The following RBMS1 variants were observed in gnomAD, a reference collection of about 807,000 sequenced individuals.
The protein encoded by RBMS1 is RNA-binding motif, single-stranded-interacting protein 1.
Under a neutral mutation model 62.3 loss-of-function variants are expected in RBMS1, and 17 were observed. That is an observed-to-expected ratio of 0.27 (90% CI 0.19 to 0.41). RBMS1 has a LOEUF of 0.41. RBMS1 is among the 10% of genes least tolerant of loss of function. RBMS1 has a pLI of 1.00. For missense variants in RBMS1, 334 were observed against 504.5 expected, an observed-to-expected ratio of 0.66 and a Z score of 3.24; for synonymous variants, 172 against 170.0, an observed-to-expected ratio of 1.01 and a Z score of -0.09.
intron 4 of RBMS1, among the ~76,000 whole-genome samples, chr2:160,305,255 C>T (rs1409316410): frequency 6.6e-6 from 1 of 152,192 alleles, no homozygotes; most frequent in Non-Finnish European, 1.5e-5. Context: ...ACTCACCACT[C>T]ACTCACTGAC....
intron 2 of RBMS1, among the ~76,000 whole-genome samples, chr2:160,358,284 G>C (rs932862443): frequency 2.0e-5 from 3 of 152,232 alleles, no homozygotes; most frequent in South Asian, 2.1e-4. Context: ...TCCATGATGA[G>C]AGAATTGAGT....
intron 1 of RBMS1, among the ~76,000 whole-genome samples, chr2:160,482,190 CT>C (rs1339444757): frequency 1.3e-5 from 2 of 151,684 alleles, no homozygotes; most frequent in Non-Finnish European, 2.9e-5. Flanking sequence ...TAATAAGGAG[CT>C]AAGGAGGCCA....
chr2:160,488,500 T>C (rs1300373949), intron 1 of RBMS1, among the ~76,000 whole-genome samples: 1 of 152,080 alleles, frequency 6.6e-6, no homozygotes, highest in Admixed American at 6.5e-5. Flanking sequence ...TGCTTGAACC[T>C]GGGAGGCAGA....
intron 1 of RBMS1, among the ~76,000 whole-genome samples, chr2:160,461,204 G>T (rs1684445944): frequency 1.3e-5 from 2 of 151,958 alleles, no homozygotes; most frequent in Non-Finnish European, 2.9e-5. Flanking sequence ...AGCTATGATT[G>T]ATCCAATGCA....
intron 1 of RBMS1, among the ~76,000 whole-genome samples, chr2:160,384,806 T>C (rs1694482247): frequency 6.6e-6 from 1 of 152,218 alleles, no homozygotes; most frequent in African/African-American, 2.4e-5. Flanking sequence ...ATGTCTGATA[T>C]GGTTTAGATT....
chr2:160,285,886 T>C (rs1306365196), intron 7 of RBMS1, among the ~76,000 whole-genome samples: 2 of 151,102 alleles, frequency 1.3e-5, no homozygotes, highest in Admixed American at 1.3e-4. Context: ...CTGAGGTGGG[T>C]GGATCATGAG....
chr2:160,326,316 C>T (rs1050451894), intron 2 of RBMS1, among the ~76,000 whole-genome samples: 1 of 152,084 alleles, frequency 6.6e-6, no homozygotes, highest in African/African-American at 2.4e-5. Context: ...GAGGACAGTC[C>T]TTTGGGGTAT....
intron 1 of RBMS1, among the ~76,000 whole-genome samples, chr2:160,391,788 G>A (rs2105212736): frequency 6.6e-6 from 1 of 152,168 alleles, no homozygotes; most frequent in East Asian, 1.9e-4. Flanking sequence ...GAGCAGCCTG[G>A]CCAACATGGC....
At chr2:160,382,707 T>C (rs185728598) in intron 1 of RBMS1, among the ~76,000 whole-genome samples, 126 of 152,322 alleles carry the variant, frequency 8.3e-4, no homozygotes, top group Admixed American at 2.7e-3. Context: ...ATCCTTCTAA[T>C]TGATTTTTAA....
At chr2:160,365,695 T>TA (rs11409550) in intron 2 of RBMS1, among the ~76,000 whole-genome samples, 1,711 of 152,362 alleles carry the variant, frequency 0.011, 39 homozygotes, top group African/African-American at 0.037. Flanking sequence ...CCTCTTCTCT[T>TA]ACACCTCATG....
chr2:160,445,488 G>A (rs896283816), intron 1 of RBMS1, among the ~76,000 whole-genome samples: 1 of 151,850 alleles, frequency 6.6e-6, no homozygotes, highest in African/African-American at 2.4e-5. Context: ...ATCAGTGAAA[G>A]GAATTATCAG....
chr2:160,396,818 C>T (rs1295336401), intron 1 of RBMS1, among the ~76,000 whole-genome samples: 1 of 152,160 alleles, frequency 6.6e-6, no homozygotes, highest in African/African-American at 2.4e-5. Flanking sequence ...CCACCTCGGA[C>T]TCCCAAAGTG....
At chr2:160,460,787 G>A (rs1046115107) in intron 1 of RBMS1, among the ~76,000 whole-genome samples, 3 of 152,188 alleles carry the variant, frequency 2.0e-5, no homozygotes, top group Admixed American at 1.3e-4. Flanking sequence ...CGAGGTAGAA[G>A]AAAGGATGTG....
chr2:160,437,619 G>A (rs571760444), intron 1 of RBMS1, among the ~76,000 whole-genome samples: 1 of 152,316 alleles, frequency 6.6e-6, no homozygotes, highest in Admixed American at 6.5e-5. Context: ...ATGTGAATAC[G>A]ACACTTCGTC....
chr2:160,374,638 A>T (rs1234446948), intron 1 of RBMS1, among the ~76,000 whole-genome samples: 2 of 152,128 alleles, frequency 1.3e-5, no homozygotes, highest in Non-Finnish European at 2.9e-5. Flanking sequence ...CAATAATAAT[A>T]AAAAAAATTG....
intron 4 of RBMS1, among the ~76,000 whole-genome samples, chr2:160,312,250 C>T (rs1304343377): frequency 6.6e-6 from 1 of 152,148 alleles, no homozygotes; most frequent in Non-Finnish European, 1.5e-5. Context: ...CTTAAACTAA[C>T]TTTCAGGATG....
In RBMS1 at chr2:160,272,864, C is replaced by T. The variant is rs1687649735; in HGVS notation, c.*1908G>A. 6.6e-6 allele frequency: 1 copy of T among 152,228 alleles called. No homozygotes were observed. The highest frequency in any genetic ancestry group is 2.4e-5 in the African/African-American group (1 of 41,452). 9.4% of individuals were successfully genotyped at this position (152,228 alleles called of 1,614,324 possible). ...TGAAACTATGAAATGTCACTGACATCTATCATCAAATACAAGCATAAAATT... is the reference window on the plus strand; with the variant it reads ...TGAAACTATGAAATGTCACTGACATTTATCATCAAATACAAGCATAAAATT... On this transcript the variant is annotated 3_prime_UTR_variant, in exon 14 of 14. Transcript: ENST00000348849.
intron 1 of RBMS1, among the ~76,000 whole-genome samples, chr2:160,388,702 T>A (rs1308056258): frequency 6.6e-6 from 1 of 152,240 alleles, no homozygotes; most frequent in African/African-American, 2.4e-5. Flanking sequence ...ACCCTTCAGA[T>A]CCTCTTTTGT....
chr2:160,434,466 A>C (rs1246257059), intron 1 of RBMS1, among the ~76,000 whole-genome samples: 1 of 152,114 alleles, frequency 6.6e-6, no homozygotes, highest in African/African-American at 2.4e-5. Flanking sequence ...ACATGAAAGA[A>C]AGAGCCTTTG....
Sources: gnomAD v4.1 joint callset for allele counts (sites outside exome capture counted in the v4.1 genomes callset) on GRCh38, gnomAD v4.1.1 for gene constraint, MANE v1.5 for transcripts, NCBI Gene and HGNC (gene_info 2026-07-23, HGNC 2026-07-21) for gene names.